The following WWOX variants were observed in gnomAD, a reference collection of about 807,000 sequenced individuals.
WWOX encodes the protein WW domain containing oxidoreductase.
WWOX carries 69 observed loss-of-function variants against 46.2 expected under a neutral mutation model. The ratio of observed to expected loss-of-function variants is 1.49; its 90% CI spans 1.23 to 1.82. The LOEUF (loss-of-function observed/expected upper bound fraction) is 1.82. Among genes scored for constraint, WWOX ranks in the 40% most tolerant of loss-of-function variants. The pLI, the probability that WWOX is intolerant of heterozygous loss-of-function variation, is 0.00. For missense variants in WWOX, 919 were observed against 542.6 expected (o/e 1.69, Z -6.89); for synonymous variants, 359 against 202.6 (o/e 1.77, Z -6.56).
At chr16:78,281,724 C>T (rs1048251433) in intron 5 of WWOX, among the ~76,000 whole-genome samples, 2 of 151,866 alleles carry the variant, frequency 1.3e-5, no homozygotes, top group Admixed American at 6.6e-5. Flanking sequence ...ATTATTCTTT[C>T]CCCCCCGCCC....
At chr16:78,659,132 A>T (rs1349578432) in intron 8 of WWOX, among the ~76,000 whole-genome samples, 4 of 151,618 alleles carry the variant, frequency 2.6e-5, no homozygotes, top group Non-Finnish European at 5.9e-5. Flanking sequence ...AACAAAACAC[A>T]TGCTGGTGCA....
intron 8 of WWOX, among the ~76,000 whole-genome samples, chr16:78,836,670 G>A (rs1487994182): frequency 2.0e-5 from 3 of 152,170 alleles, no homozygotes; most frequent in South Asian, 2.1e-4. Context: ...TTTGCGGGGT[G>A]TAGAAAATGA....
At chr16:78,875,629 T>C (rs2044219802) in intron 8 of WWOX, among the ~76,000 whole-genome samples, 1 of 152,272 alleles carries the variant, frequency 6.6e-6, no homozygotes, top group Admixed American at 6.5e-5. Context: ...TCCCGGTACA[T>C]TTCACCAGCC....
At chr16:79,079,699 T>C (rs1408060021) in intron 8 of WWOX, among the ~76,000 whole-genome samples, 2 of 152,230 alleles carry the variant, frequency 1.3e-5, no homozygotes, top group African/African-American at 4.8e-5. Flanking sequence ...ATGATTGTAA[T>C]TGTGATTACA....
At chr16:78,734,318 C>G (rs959643709) in intron 8 of WWOX, among the ~76,000 whole-genome samples, 1 of 151,966 alleles carries the variant, frequency 6.6e-6, no homozygotes, top group South Asian at 2.1e-4. Context: ...GGAGGGTAGC[C>G]TCAGATATAA....
At chr16:78,584,319 G>T (rs1407836380) in intron 8 of WWOX, among the ~76,000 whole-genome samples, 1 of 152,154 alleles carries the variant, frequency 6.6e-6, no homozygotes, top group Non-Finnish European at 1.5e-5. Flanking sequence ...GGTCAAATTG[G>T]CCAAGATGAA....
intron 8 of WWOX, among the ~76,000 whole-genome samples, chr16:79,148,630 C>G (rs13334837): frequency 0.015 from 2,263 of 152,228 alleles, 45 homozygotes; most frequent in African/African-American, 0.051. Flanking sequence ...GGGTTTAAAT[C>G]TATAGGTCTA....
At chr16:79,073,369 A>G (rs910611934) in intron 8 of WWOX, among the ~76,000 whole-genome samples, 16 of 151,900 alleles carry the variant, frequency 1.1e-4, no homozygotes, top group Non-Finnish European at 2.9e-5. Flanking sequence ...TAGTGGAGAC[A>G]GGGTTTCACC....
intron 8 of WWOX, among the ~76,000 whole-genome samples, chr16:79,158,102 G>C (rs886784847): frequency 1.3e-5 from 2 of 152,138 alleles, no homozygotes; most frequent in African/African-American, 4.8e-5. Context: ...AGCATGGGAG[G>C]ACAGAAAAGA....
At chr16:78,417,545 A>C (rs915756525) in intron 6 of WWOX, among the ~76,000 whole-genome samples, 2 of 152,250 alleles carry the variant, frequency 1.3e-5, no homozygotes, top group African/African-American at 2.4e-5. Context: ...AGCCCTGGAA[A>C]AGTGAGCAAA....
In WWOX at chr16:79,193,606, C is replaced by T. The variant is rs113390396; in HGVS notation, c.1057-18002C>T. On this transcript the variant is annotated intron_variant, in intron 8 of 8. Coordinates refer to ENST00000566780, the MANE Select transcript of WWOX (RefSeq NM_016373.4). ...GTCTCTGTGGATAAAGTAAGCGTTT[C>T]ATTCAACTTTTAAAAATATTGCAAA... Among the ~76,000 whole-genome samples, 10 of 152,298 alleles carry T rather than the reference C, an allele frequency of 6.6e-5. 1 individual carries two copies. The highest frequency in any genetic ancestry group is 2.4e-4 in the African/African-American group (10 of 41,560).
chr16:78,321,680 A>G (rs997890609), intron 5 of WWOX, among the ~76,000 whole-genome samples: 1 of 152,044 alleles, frequency 6.6e-6, no homozygotes, highest in Non-Finnish European at 1.5e-5. Flanking sequence ...TGGAAAAGTA[A>G]ATGATTGGAA....
At chr16:78,152,060 G>A (rs552374940) in intron 4 of WWOX, among the ~76,000 whole-genome samples, 2 of 152,180 alleles carry the variant, frequency 1.3e-5, no homozygotes, top group East Asian at 3.9e-4. Flanking sequence ...TGTGGTGGCG[G>A]GCGCCTGTAG....
intron 8 of WWOX, among the ~76,000 whole-genome samples, chr16:78,663,245 A>G (rs2047257944): frequency 2.0e-5 from 3 of 152,222 alleles, no homozygotes; most frequent in Non-Finnish European, 4.4e-5. Flanking sequence ...AAATGGAATC[A>G]TACAATACGT....
intron 8 of WWOX, among the ~76,000 whole-genome samples, chr16:78,614,272 G>A (rs1447095569): frequency 3.3e-5 from 5 of 152,226 alleles, no homozygotes; most frequent in Non-Finnish European, 4.4e-5. Context: ...AGCTTGGGCA[G>A]TATAGATAAA....
intron 5 of WWOX, among the ~76,000 whole-genome samples, chr16:78,323,958 A>C (rs1335778427): frequency 6.6e-6 from 1 of 152,162 alleles, no homozygotes; most frequent in Non-Finnish European, 1.5e-5. Context: ...GGTGCTGGGC[A>C]CTGTGCTAGG....
At chr16:78,863,616 C>T (rs947477469) in intron 8 of WWOX, among the ~76,000 whole-genome samples, 6 of 152,144 alleles carry the variant, frequency 3.9e-5, no homozygotes, top group African/African-American at 1.4e-4. Context: ...AAGCTGTATT[C>T]AGGCAGGCAC....
chr16:78,440,690 C>G (rs2083425569), intron 8 of WWOX, among the ~76,000 whole-genome samples: 1 of 151,492 alleles, frequency 6.6e-6, no homozygotes, highest in Non-Finnish European at 1.5e-5. Flanking sequence ...AATCCCGGCT[C>G]ACTGCAACCT....
chr16:79,060,801 G>C (rs1055538566), intron 8 of WWOX, among the ~76,000 whole-genome samples: 1 of 152,220 alleles, frequency 6.6e-6, no homozygotes, highest in Non-Finnish European at 1.5e-5. Context: ...CCTTTGGAGA[G>C]TTAGGTGTTT....
Sources: gnomAD v4.1 joint callset for allele counts (sites outside exome capture counted in the v4.1 genomes callset) on GRCh38, gnomAD v4.1.1 for gene constraint, MANE v1.5 for transcripts, NCBI Gene and HGNC (gene_info 2026-07-23, HGNC 2026-07-21) for gene names.